Variants in SPTSSB observed in about 807,000 individuals in gnomAD.
The protein encoded by SPTSSB is serine palmitoyltransferase small subunit B.
Under a neutral mutation model 7.7 loss-of-function variants are expected in SPTSSB, and 6 were observed. The ratio of observed to expected loss-of-function variants is 0.78; its 90% CI spans 0.43 to 1.54. The LOEUF is 1.54. SPTSSB is among the 40% of genes most tolerant of loss of function. SPTSSB has a pLI of 0.01. For synonymous variants in SPTSSB, 28 were observed against 29.7 expected (o/e 0.94, Z 0.19); for missense variants, 91 against 93.0 (o/e 0.98, Z 0.09).
chr3:161,354,854 A>G (rs1199470705), intron 2 of SPTSSB, among the ~76,000 whole-genome samples: 1 of 152,240 alleles, frequency 6.6e-6, no homozygotes, highest in Non-Finnish European at 1.5e-5. Flanking sequence ...CAGCTGGGAA[A>G]GAAAATTTGG....
intron 1 of SPTSSB, among the ~76,000 whole-genome samples, chr3:161,360,476 T>C (rs1714959436): frequency 6.6e-6 from 1 of 152,198 alleles, no homozygotes; most frequent in Non-Finnish European, 1.5e-5. Flanking sequence ...TTTCCTCATA[T>C]ATAGAACAGT....
At chr3:161,346,449 T>C in intron 2 of SPTSSB, 94 bp from the exon 3 acceptor site, 1 of 615,296 alleles carries the variant, frequency 1.6e-6, no homozygotes, top group East Asian at 2.8e-5. Context: ...CTTTCAAAGA[T>C]TTGTTAAAGA....
At chr3:161,350,508 C>A (rs1714480364) in intron 2 of SPTSSB, among the ~76,000 whole-genome samples, 1 of 152,138 alleles carries the variant, frequency 6.6e-6, no homozygotes, top group Non-Finnish European at 1.5e-5. Context: ...AACTCTACAT[C>A]AATCACTCAG....
intron 2 of SPTSSB, chr3:161,359,568 C>G (rs1714920628): frequency 6.0e-6 from 2 of 333,482 alleles, no homozygotes; most frequent in South Asian, 2.4e-4. Context: ...CATTTTTCTG[C>G]ACACGTTTCA....
intron 1 of SPTSSB, among the ~76,000 whole-genome samples, chr3:161,363,259 T>C (rs956781781): frequency 3.5e-4 from 53 of 151,734 alleles, no homozygotes; most frequent in African/African-American, 1.3e-3. Context: ...CAAATAATGC[T>C]TCTCCATCAA....
chr3:161,346,015 G>C lies in SPTSSB; in HGVS notation c.*78C>G. The C allele has an allele frequency of 1.3e-6, 1 of 751,446 alleles. No homozygotes were observed. The highest frequency in any genetic ancestry group is 2.3e-6 in the Non-Finnish European group (1 of 434,314). 46.5% of individuals were successfully genotyped at this position (751,446 alleles called of 1,614,324 possible). ...CTTTTCAGGTCAGATAGTGAAGGAA[G>C]ACACAATAGTTACCTAAATCAATAA... On this transcript the variant is annotated 3_prime_UTR_variant, in exon 3 of 3. Coordinates refer to ENST00000620149, the MANE Select transcript of SPTSSB (RefSeq NM_001040100.2).
At chr3:161,360,987 G>A (rs914802896) in intron 1 of SPTSSB, among the ~76,000 whole-genome samples, 1 of 152,044 alleles carries the variant, frequency 6.6e-6, no homozygotes, top group African/African-American at 2.4e-5. Context: ...AAGGGGATAT[G>A]GCTTCTGGCT....
chr3:161,367,052 C>A (rs934726680), intron 1 of SPTSSB, among the ~76,000 whole-genome samples: 1 of 152,180 alleles, frequency 6.6e-6, no homozygotes, highest in African/African-American at 2.4e-5. Context: ...TGGCAGACGC[C>A]TGTAATCCCA....
At chr3:161,354,467 A>G (rs1300993402) in intron 2 of SPTSSB, among the ~76,000 whole-genome samples, 1 of 152,198 alleles carries the variant, frequency 6.6e-6, no homozygotes, top group East Asian at 1.9e-4. Flanking sequence ...TCAGCCTCCC[A>G]AGTAGCTGGG....
At chr3:161,356,781 C>T (rs567390200) in intron 2 of SPTSSB, among the ~76,000 whole-genome samples, 1 of 152,216 alleles carries the variant, frequency 6.6e-6, no homozygotes, top group East Asian at 1.9e-4. Context: ...GCCTGCTGCC[C>T]TTTCATTGCC....
At chr3:161,368,734 T>C (rs1185389785) in intron 1 of SPTSSB, among the ~76,000 whole-genome samples, 1 of 152,214 alleles carries the variant, frequency 6.6e-6, no homozygotes, top group Admixed American at 6.5e-5. Flanking sequence ...CCCCTAATCT[T>C]ACCTTCTACT....
chr3:161,369,384 C>CT (rs1560109152), intron 1 of SPTSSB, among the ~76,000 whole-genome samples: 5 of 38,622 alleles, frequency 1.3e-4, no homozygotes, highest in Non-Finnish European at 1.4e-4. Context: ...CTCTTTCTTT[C>CT]CTTTTTTTTT....
At chr3:161,353,762 T>C (rs1047045174) in intron 2 of SPTSSB, among the ~76,000 whole-genome samples, 1 of 152,192 alleles carries the variant, frequency 6.6e-6, no homozygotes, top group South Asian at 2.1e-4. Context: ...ATAACCTCAG[T>C]TTATTGGCTG....
intron 2 of SPTSSB, among the ~76,000 whole-genome samples, chr3:161,347,173 T>C (rs1375173988): frequency 2.0e-5 from 3 of 152,222 alleles, no homozygotes; most frequent in African/African-American, 7.2e-5. Flanking sequence ...GTTTAAAATA[T>C]TCTTAAATAC....
chr3:161,369,296 T>TTC (rs1223210285), intron 1 of SPTSSB, among the ~76,000 whole-genome samples: 4 of 68,634 alleles, frequency 5.8e-5, no homozygotes, highest in Non-Finnish European at 9.9e-5. Context: ...TTTTCTTTCT[T>TTC]TCTTTCTTTC....
At position 161,351,612 on chromosome 3, in the gene SPTSSB, A is replaced by AG. The variant is rs546271861; in HGVS notation, c.-32-5258_-32-5257insC. On this transcript the variant is annotated intron_variant, in intron 2 of 2. Coordinates refer to ENST00000620149, the MANE Select transcript of SPTSSB (RefSeq NM_001040100.2). ...CATACACACACAGAGAGAGAGAGAG[A>AG]AAGAGAGAGAGAGTCATATAACTGA... 2.7e-4 allele frequency among the ~76,000 whole-genome samples: 40 copies of AG among 147,054 alleles called. 1 individual carries two copies. In the South Asian group the frequency reaches 8.4e-3, roughly 31 times the overall value.
At chr3:161,350,874 T>C (rs965030179) in intron 2 of SPTSSB, among the ~76,000 whole-genome samples, 1 of 152,144 alleles carries the variant, frequency 6.6e-6, no homozygotes, top group Admixed American at 6.5e-5. Context: ...AATCATGATA[T>C]GAATAATCTT....
At position 161,364,338 on chromosome 3, in the gene SPTSSB, G is replaced by A. The variant is rs993411386; in HGVS notation, c.-125-4444C>T. The stretch of plus-strand genomic sequence containing the variant: ...ATTCAGAGATCCCACAGTCATCAAA[G>A]GTCGCTATCTGAGTAATTAAAACAA... On this transcript the variant is annotated intron_variant, in intron 1 of 2. Coordinates refer to ENST00000620149, the MANE Select transcript of SPTSSB (RefSeq NM_001040100.2). 2.0e-5 allele frequency among the ~76,000 whole-genome samples: 3 copies of A among 152,120 alleles called. 1 individual carries two copies. In the South Asian group the frequency reaches 6.2e-4, roughly 32 times the overall value.
intron 1 of SPTSSB, among the ~76,000 whole-genome samples, chr3:161,364,667 A>G (rs1161807842): frequency 2.6e-5 from 4 of 151,388 alleles, no homozygotes; most frequent in Non-Finnish European, 5.9e-5. Context: ...AGATGCATCC[A>G]TATATATATA....
Sources: gnomAD v4.1 joint callset for allele counts (sites outside exome capture counted in the v4.1 genomes callset) on GRCh38, gnomAD v4.1.1 for gene constraint, MANE v1.5 for transcripts, NCBI Gene and HGNC (gene_info 2026-07-23, HGNC 2026-07-21) for gene names.